The following RUNX1 variants were observed in gnomAD, a reference collection of about 807,000 sequenced individuals.
RUNX1 encodes RUNX family transcription factor 1.
In RUNX1, 19 loss-of-function variants were observed where a neutral mutation model predicts 42.8. The ratio of observed to expected loss-of-function variants is 0.44; its 90% CI spans 0.31 to 0.65. The LOEUF (loss-of-function observed/expected upper bound fraction) is 0.65, where lower values mean the gene tolerates loss of function less well. Among genes scored for constraint, RUNX1 ranks in the 30% least tolerant of loss-of-function variants. The probability of loss-of-function intolerance (pLI) is 0.07; values close to 1 mark genes in which losing one functional copy is unlikely to be tolerated. For synonymous variants in RUNX1, 271 were observed against 289.4 expected (o/e 0.94, Z 0.64); for missense variants, 528 against 672.0 (o/e 0.79, Z 2.37).
In RUNX1 at chr21:34,799,575, C is replaced by A. The variant is rs986977239; in HGVS notation, c.806-113G>T. 7 of 904,496 alleles carry A rather than the reference C, an allele frequency of 7.7e-6. No homozygotes were observed. In the African/African-American group the frequency reaches 1.2e-4, roughly 15 times the overall value. 56.0% of individuals were successfully genotyped at this position (904,496 alleles called of 1,614,324 possible). ...AAATATGTCACATACATGTATGTGG[C>A]CTATGTACCAGGGTTTAATAAGCCT... is the stretch of plus-strand genomic sequence containing the variant. On this transcript the variant is annotated intron_variant, in intron 7 of 8. Coordinates refer to ENST00000675419, the MANE Select transcript of RUNX1 (RefSeq NM_001754.5).
chr21:34,897,198 T>C (rs2058137586), intron 2 of RUNX1, among the ~76,000 whole-genome samples: 1 of 152,208 alleles, frequency 6.6e-6, no homozygotes, highest in Non-Finnish European at 1.5e-5. Flanking sequence ...AGATCTCTTT[T>C]TGATTTCTTT....
intron 2 of RUNX1, among the ~76,000 whole-genome samples, chr21:34,945,705 A>G (rs1476298579): frequency 6.6e-6 from 1 of 152,134 alleles, no homozygotes; most frequent in Admixed American, 6.5e-5. Context: ...AGTTCCTTTC[A>G]TCTTCTTTGT....
intron 2 of RUNX1, among the ~76,000 whole-genome samples, chr21:35,022,907 T>C (rs2059209766): frequency 6.7e-6 from 1 of 149,810 alleles, no homozygotes; most frequent in African/African-American, 2.4e-5. Flanking sequence ...ATAATAATAA[T>C]AATAATAATA....
At chr21:34,917,851 C>T (rs956881055) in intron 2 of RUNX1, among the ~76,000 whole-genome samples, 3 of 151,940 alleles carry the variant, frequency 2.0e-5, no homozygotes, top group African/African-American at 7.3e-5. Context: ...CTTGGCTTGG[C>T]CGGGCGTAGT....
intron 2 of RUNX1, among the ~76,000 whole-genome samples, chr21:34,924,938 A>G (rs1413659043): frequency 6.6e-6 from 1 of 151,300 alleles, no homozygotes; most frequent in Non-Finnish European, 1.5e-5. Flanking sequence ...GTCTCTTGTT[A>G]TAAGGGCACT....
At chr21:34,811,412 G>C (rs1042367904) in intron 7 of RUNX1, among the ~76,000 whole-genome samples, 1 of 152,002 alleles carries the variant, frequency 6.6e-6, no homozygotes, top group Non-Finnish European at 1.5e-5. Flanking sequence ...CACACATCAG[G>C]CCAAGGCTTC....
chr21:34,878,885 G>A (rs946711991), intron 5 of RUNX1, among the ~76,000 whole-genome samples: 3 of 152,092 alleles, frequency 2.0e-5, no homozygotes, highest in African/African-American at 4.8e-5. Context: ...TCACTGGCAC[G>A]GATCACTAAA....
chr21:34,836,264 C>T (rs952333422), intron 6 of RUNX1, among the ~76,000 whole-genome samples: 5 of 152,220 alleles, frequency 3.3e-5, no homozygotes, highest in African/African-American at 1.2e-4. Context: ...ATGTGGGAGG[C>T]CTGTTCTTGG....
intron 2 of RUNX1, among the ~76,000 whole-genome samples, chr21:34,993,159 G>A (rs578137331): frequency 9.5e-4 from 144 of 152,324 alleles, no homozygotes; most frequent in African/African-American, 3.3e-3. Context: ...TGAGGAAGAC[G>A]TGGCAATTTC....
At chr21:34,839,230 C>A (rs2057193708) in intron 6 of RUNX1, among the ~76,000 whole-genome samples, 1 of 152,032 alleles carries the variant, frequency 6.6e-6, no homozygotes, top group South Asian at 2.1e-4. Flanking sequence ...AACACACACA[C>A]TCTCAACACC....
At chr21:34,988,810 A>C (rs1461045803) in intron 2 of RUNX1, among the ~76,000 whole-genome samples, 1 of 152,158 alleles carries the variant, frequency 6.6e-6, no homozygotes, top group Non-Finnish European at 1.5e-5. Context: ...GTTTGAGAAC[A>C]CTGGCTGAAC....
At chr21:34,973,673 T>G (rs553505439) in intron 2 of RUNX1, among the ~76,000 whole-genome samples, 2 of 152,338 alleles carry the variant, frequency 1.3e-5, no homozygotes, top group South Asian at 4.1e-4. Context: ...CCTCCCTCCA[T>G]GTCATAGAAA....
intron 5 of RUNX1, among the ~76,000 whole-genome samples, chr21:34,876,629 C>G (rs2834658): frequency 2.6e-5 from 4 of 151,990 alleles, no homozygotes; most frequent in Admixed American, 6.6e-5. Flanking sequence ...ATGATGTTCC[C>G]CAAAGATTAA....
At chr21:34,870,227 C>A (rs1256846069) in intron 5 of RUNX1, among the ~76,000 whole-genome samples, 1 of 152,230 alleles carries the variant, frequency 6.6e-6, no homozygotes, top group Non-Finnish European at 1.5e-5. Context: ...TATGCACTCA[C>A]AGAGTCCCCA....
At chr21:35,000,626 A>C (rs1234538338) in intron 2 of RUNX1, among the ~76,000 whole-genome samples, 1 of 152,218 alleles carries the variant, frequency 6.6e-6, no homozygotes, top group Non-Finnish European at 1.5e-5. Flanking sequence ...AAGTTCCGGA[A>C]GGGCAGGCAG....
In RUNX1 at chr21:34,817,008, A is replaced by G. The variant is rs551558080; in HGVS notation, c.805+17402T>C. 3.8e-4 allele frequency among the ~76,000 whole-genome samples: 58 copies of G among 152,306 alleles called. 1 individual carries two copies. The South Asian group carries it at 0.011, about 29-fold the overall frequency. ...TGGCATCAGCTGACCTGAAATAGCA[A>G]CACCTGCTTCTTCGGCCACTTTCCT... On this transcript the variant is annotated intron_variant, in intron 7 of 8. Transcript: ENST00000675419.
chr21:34,983,240 CG>C (rs1168075223), intron 2 of RUNX1, among the ~76,000 whole-genome samples: 2 of 152,148 alleles, frequency 1.3e-5, no homozygotes, highest in Non-Finnish European at 2.9e-5. Context: ...ATTAGAAACT[CG>C]AATGGTGATG....
Position 34,791,975 on chromosome 21 carries a change from TG to T in RUNX1, c.*159del. On this transcript the variant is annotated 3_prime_UTR_variant, in exon 9 of 9. Coordinates refer to ENST00000675419, the MANE Select transcript of RUNX1 (RefSeq NM_001754.5). ...CTGGGCGCAGGAGGCTGCGCGGGCC[TG>T]ACCTACAGCGAGATCCTGGCCGTCG... The T allele has an allele frequency of 4.5e-6, 2 of 446,492 alleles. No homozygotes were observed. The highest frequency in any genetic ancestry group is 8.0e-6 in the Non-Finnish European group (2 of 249,076). The allele number at this position is 446,492 out of a possible 1,614,324, so 27.7% of individuals were successfully genotyped here.
intron 2 of RUNX1, among the ~76,000 whole-genome samples, chr21:35,001,396 T>C (rs539344004): frequency 3.3e-5 from 5 of 151,582 alleles, no homozygotes; most frequent in Admixed American, 6.6e-5. Context: ...ATGGCACTAA[T>C]TACATTCACA....
Sources: gnomAD v4.1 joint callset for allele counts (sites outside exome capture counted in the v4.1 genomes callset) on GRCh38, gnomAD v4.1.1 for gene constraint, MANE v1.5 for transcripts, NCBI Gene and HGNC (gene_info 2026-07-23, HGNC 2026-07-21) for gene names.